Variants in HDAC9 observed in about 807,000 individuals in gnomAD.
The protein encoded by HDAC9 is MEF-2 interacting transcription repressor (MITR) protein.
A neutral mutation model predicts 139.4 loss-of-function variants in HDAC9; 41 were observed. That is an observed-to-expected ratio of 0.29 (90% CI 0.23 to 0.38). The LOEUF is 0.38. Ranked by LOEUF, HDAC9 falls within the 10% of genes least tolerant of loss-of-function variation. The probability of loss-of-function intolerance (pLI) is 1.00; values close to 1 mark genes in which losing one functional copy is unlikely to be tolerated. For synonymous variants in HDAC9, 517 were observed against 476.2 expected, an observed-to-expected ratio of 1.09 and a Z score of -1.12; for missense variants, 1,147 against 1,297.0, an observed-to-expected ratio of 0.88 and a Z score of 1.78.
chr7:18,527,183 C>T (rs1290445205), intron 2 of HDAC9, among the ~76,000 whole-genome samples: 1 of 152,038 alleles, frequency 6.6e-6, no homozygotes, highest in African/African-American at 2.4e-5. Context: ...AGAGAAAGGA[C>T]TAGGAAGTGG....
At chr7:18,861,674 G>A (rs915213201) in intron 21 of HDAC9, among the ~76,000 whole-genome samples, 3 of 152,108 alleles carry the variant, frequency 2.0e-5, no homozygotes, top group South Asian at 4.1e-4. Flanking sequence ...TACTGGCTAC[G>A]TGACACATCT....
chr7:18,830,505 T>A (rs1480878200), intron 19 of HDAC9, among the ~76,000 whole-genome samples: 2 of 152,224 alleles, frequency 1.3e-5, no homozygotes, highest in Non-Finnish European at 2.9e-5. Flanking sequence ...TCTGCACTCA[T>A]AATTAAATCT....
intron 1 of HDAC9, among the ~76,000 whole-genome samples, chr7:18,480,025 C>T (rs1795427136): frequency 6.9e-6 from 1 of 145,216 alleles, no homozygotes; most frequent in African/African-American, 2.6e-5. Flanking sequence ...CTGTTTCTAG[C>T]AGAACCTTTT....
intron 1 of HDAC9, among the ~76,000 whole-genome samples, chr7:18,484,164 C>A (rs955572435): frequency 5.9e-5 from 8 of 135,612 alleles, no homozygotes; most frequent in Admixed American, 3.8e-4. Context: ...AAAGCAAGAC[C>A]TTATCTCTCA....
rs78219724 is a variant in HDAC9 at position 18,678,458 on chromosome 7, A to G, written c.1731+11982A>G. Among the ~76,000 whole-genome samples, 26 of 151,942 alleles carry G rather than the reference A, an allele frequency of 1.7e-4. No individual in the cohort carries two copies. In the East Asian group the frequency reaches 5.1e-3, roughly 30 times the overall value. On this transcript the variant is annotated intron_variant, in intron 12 of 25. Coordinates refer to ENST00000686413, the MANE Select transcript of HDAC9 (RefSeq NM_178425.4). ...CTCTTTCTTTTGGGACTCCAGTTAC[A>G]CATAGAGTAGACTGCTTGATACTGT... is the stretch of plus-strand genomic sequence containing the variant.
intron 2 of HDAC9, among the ~76,000 whole-genome samples, chr7:18,187,842 A>T (rs868242976): frequency 2.6e-5 from 4 of 151,986 alleles, no homozygotes; most frequent in Admixed American, 6.6e-5. Context: ...GGCAAACCAT[A>T]TTTTCAGCCT....
intron 13 of HDAC9, among the ~76,000 whole-genome samples, chr7:18,732,953 A>ATGTGTATATACACGTG (rs1786433733): frequency 1.1e-5 from 1 of 93,196 alleles, no homozygotes; most frequent in African/African-American, 5.9e-5. Context: ...ACACACGTGT[A>ATGTGTATATACACGTG]TGTGTGTGTA....
chr7:18,534,406 G>A (rs1810158183), intron 2 of HDAC9, among the ~76,000 whole-genome samples: 2 of 152,174 alleles, frequency 1.3e-5, no homozygotes, highest in South Asian at 4.1e-4. Context: ...AATTAGCCAG[G>A]CATGGCAGTG....
intron 17 of HDAC9, among the ~76,000 whole-genome samples, chr7:18,797,620 G>C (rs988463544): frequency 6.6e-6 from 1 of 152,092 alleles, no homozygotes; most frequent in Non-Finnish European, 1.5e-5. Flanking sequence ...TTGAGGTCTG[G>C]TGTTCAAGAC....
chr7:18,726,057 C>A (rs1785521418), intron 12 of HDAC9, among the ~76,000 whole-genome samples: 1 of 152,298 alleles, frequency 6.6e-6, no homozygotes, highest in Admixed American at 6.5e-5. Context: ...GATTTTAAAT[C>A]ATTCTTTTTT....
intron 6 of HDAC9, among the ~76,000 whole-genome samples, chr7:18,616,028 G>A (rs1838490786): frequency 6.6e-6 from 1 of 152,146 alleles, no homozygotes; most frequent in Non-Finnish European, 1.5e-5. Context: ...CTGCCTGCAA[G>A]CTCTAGCTGT....
chr7:18,746,848 TACA>T (rs1434730814), intron 13 of HDAC9, among the ~76,000 whole-genome samples: 3 of 151,732 alleles, frequency 2.0e-5, no homozygotes, highest in Admixed American at 1.3e-4. Context: ...AACAAAATTA[TACA>T]ACAATTATAT....
intron 2 of HDAC9, among the ~76,000 whole-genome samples, chr7:18,180,226 T>TACACACACACACACACACAC (rs67304424): frequency 1.7e-5 from 2 of 120,612 alleles, no homozygotes. Flanking sequence ...CCAAGACACA[T>TACACACACACACACACACAC]ACACACACAC....
At position 18,804,400 on chromosome 7, in the gene HDAC9, G is replaced by T. The variant is rs765347525; in HGVS notation, c.2322+10948G>T. On this transcript the variant is annotated intron_variant, in intron 17 of 25. Transcript: ENST00000686413. ...TCACACATACACACAAACACGCTGT[G>T]GTTCATACACACGTATGCATACGTA... 7.2e-5 allele frequency among the ~76,000 whole-genome samples: 11 copies of T among 152,044 alleles called. 1 individual carries two copies. Among genetic ancestry groups the T allele is most frequent in the Admixed American group, 6.6e-4 (10 of 15,264 alleles).
chr7:18,516,281 A>C (rs571232152), intron 2 of HDAC9, among the ~76,000 whole-genome samples: 13 of 152,208 alleles, frequency 8.5e-5, no homozygotes, highest in Non-Finnish European at 1.5e-4. Flanking sequence ...AAGACCTTTA[A>C]GAAGGATTTC....
chr7:18,348,130 A>C (rs898591504), intron 1 of HDAC9, among the ~76,000 whole-genome samples: 1 of 152,114 alleles, frequency 6.6e-6, no homozygotes, highest in Non-Finnish European at 1.5e-5. Flanking sequence ...TGCTCCACAA[A>C]ATATTTTGGG....
At chr7:18,182,304 T>C (rs1789511667) in intron 2 of HDAC9, among the ~76,000 whole-genome samples, 1 of 152,236 alleles carries the variant, frequency 6.6e-6, no homozygotes. Flanking sequence ...GAAACATGAT[T>C]TCTGGGCTTC....
At chr7:18,168,257 T>C (rs768857786) in intron 2 of HDAC9, among the ~76,000 whole-genome samples, 39 of 152,244 alleles carry the variant, frequency 2.6e-4, no homozygotes, top group Non-Finnish European at 5.9e-5. Flanking sequence ...ACAATTCTTA[T>C]GTTTGTTCTT....
intron 1 of HDAC9, among the ~76,000 whole-genome samples, chr7:18,090,588 T>G (rs1782079448): frequency 6.6e-6 from 1 of 152,208 alleles, no homozygotes; most frequent in South Asian, 2.1e-4. Context: ...TTGTCAAGCT[T>G]GAGGATCATC....
Sources: gnomAD v4.1 joint callset for allele counts (sites outside exome capture counted in the v4.1 genomes callset) on GRCh38, gnomAD v4.1.1 for gene constraint, MANE v1.5 for transcripts, NCBI Gene and HGNC (gene_info 2026-07-23, HGNC 2026-07-21) for gene names.